TBKBP1: variants seen among roughly 807,000 people sequenced by gnomAD.
TBKBP1 encodes the protein TBK1 binding protein 1, also known as TANK-binding kinase 1-binding protein 1.
Under a neutral mutation model 69.9 loss-of-function variants are expected in TBKBP1, and 47 were observed. The observed-to-expected ratio is 0.67, with a 90% confidence interval of 0.53 to 0.86. TBKBP1 has a LOEUF of 0.86. TBKBP1 is among the 40% of genes least tolerant of loss of function. The pLI is 0.00. For missense variants in TBKBP1, 831 were observed against 858.6 expected, an observed-to-expected ratio of 0.97 and a Z score of 0.40; for synonymous variants, 418 against 390.3, an observed-to-expected ratio of 1.07 and a Z score of -0.84.
chr17:47,696,890 T>C (rs2031269375), intron 3 of TBKBP1, 57 bp downstream of exon 3: 16 of 1,596,916 alleles, frequency 1.0e-5, no homozygotes, highest in African/African-American at 4.0e-5. Context: ...CTGTTTCTGA[T>C]ACCCTTCCCT....
Position 47,709,363 on chromosome 17 carries a change from T to G in TBKBP1, c.1630T>G (p.Ser544Ala). 6.5e-7 allele frequency: 1 copy of G among 1,527,802 alleles called. No homozygotes were observed. The highest frequency in any genetic ancestry group is 8.7e-7 in the Non-Finnish European group (1 of 1,144,162). The allele number at this position is 1,527,802 out of a possible 1,614,324, so 94.6% of individuals were successfully genotyped here. ...SPEVGTIRCA[S>A]FCAGFPIPES... ...GGAGGTGGGCACCATCCGCTGCGCCTCCTTCTGCGCGGGCTTCCCCATCCC... is the reference window on the plus strand; with the variant it reads ...GGAGGTGGGCACCATCCGCTGCGCCGCCTTCTGCGCGGGCTTCCCCATCCC... Residue 544 changes from serine (S) to alanine (A), a missense_variant, in exon 9 of 10, where the codon TCC (serine) becomes GCC (alanine). By Grantham distance (99) the Ser-to-Ala change is moderately conservative. Coordinates refer to ENST00000578982, the MANE Select transcript of TBKBP1 (RefSeq NM_001394755.1).
intron 7 of TBKBP1, among the ~76,000 whole-genome samples, chr17:47,702,859 G>A (rs2031557495): frequency 6.6e-6 from 1 of 152,026 alleles, no homozygotes; most frequent in South Asian, 2.1e-4. Flanking sequence ...ACCCTTGGGG[G>A]GTTCCCAGCC....
At chr17:47,705,955 T>G (rs1253117637) in intron 7 of TBKBP1, among the ~76,000 whole-genome samples, 1 of 152,156 alleles carries the variant, frequency 6.6e-6, no homozygotes, top group Non-Finnish European at 1.5e-5. Context: ...GGCCAGGGCT[T>G]CTTCCTTCCA....
At position 47,697,096 on chromosome 17, in the gene TBKBP1, AG is replaced by A; in HGVS notation, c.357del (p.Asn120ThrfsTer11). The A allele has an allele frequency of 6.2e-7, 1 of 1,611,256 alleles. No homozygotes were observed. Among genetic ancestry groups the A allele is most frequent in the Non-Finnish European group, 8.5e-7 (1 of 1,178,710 alleles). On this transcript the variant is annotated frameshift_variant, in exon 4 of 10. Transcript: ENST00000578982. LOFTEE classifies it high-confidence loss of function. ...RLNQFQHELQKNKEQEEQLGE... is the reference protein window; with the variant it reads ...RLNQFQHELQXNKEQEEQLGE... ...CCTCTGGGCCTCATCCAGTTACAGA[AG>A]AACAAGGAGCAGGAAGAACAGCTTG...
In TBKBP1 at chr17:47,708,063, A is replaced by G. The variant is rs777539942; in HGVS notation, c.873-331A>G. On this transcript the variant is annotated intron_variant, in intron 7 of 9. Transcript: ENST00000578982. The surrounding 1 kb of genome is among the most constrained non-coding windows in gnomAD (Gnocchi z 4.4). ...TAGAAAAACATTCACACATACCTGT[A>G]TGAGCTGTGTTCAGACCACGGACAG... is the stretch of plus-strand genomic sequence containing the variant. 7.2e-5 allele frequency among the ~76,000 whole-genome samples: 11 copies of G among 152,240 alleles called. No homozygotes were observed. Among genetic ancestry groups the G allele is most frequent in the Non-Finnish European group, 1.3e-4 (9 of 68,046 alleles).
chr17:47,697,321 G>A, intron 4 of TBKBP1, 128 bp downstream of exon 4: 1 of 791,802 alleles, frequency 1.3e-6, no homozygotes, highest in East Asian at 2.7e-5. Flanking sequence ...CACATCACTT[G>A]TTTGTGCCCT....
At chr17:47,697,756 C>A (rs2031307727) in intron 4 of TBKBP1, among the ~76,000 whole-genome samples, 2 of 151,796 alleles carry the variant, frequency 1.3e-5, no homozygotes, top group African/African-American at 4.8e-5. Flanking sequence ...CCAGCCTGGG[C>A]AACATAGTGA....
In TBKBP1 at chr17:47,710,768, G is replaced by A; in HGVS notation, c.*142G>A. 3 of 1,246,686 alleles carry A rather than the reference G, an allele frequency of 2.4e-6. No individual in the cohort carries two copies. Among genetic ancestry groups the A allele is most frequent in the Non-Finnish European group, 3.3e-6 (3 of 899,924 alleles). 77.2% of individuals were successfully genotyped at this position (1,246,686 alleles called of 1,614,324 possible). A position where few individuals can be genotyped will look rare whatever the true frequency, so the allele number is the denominator to read the frequency against. ...TCCACTTGCTACCGAGTCAACGTGT[G>A]TGCCATCTTCCCTGGTCCAGGCACC... is the stretch of plus-strand genomic sequence containing the variant. On this transcript the variant is annotated 3_prime_UTR_variant, in exon 10 of 10. Coordinates refer to ENST00000578982, the MANE Select transcript of TBKBP1 (RefSeq NM_001394755.1).
At position 47,694,210 on chromosome 17, in the gene TBKBP1, G is replaced by A. The variant is rs565761112; in HGVS notation, c.-35+16G>A. 1.3e-5 allele frequency: 2 copies of A among 151,270 alleles called. No individual in the cohort carries two copies. Among genetic ancestry groups the A allele is most frequent in the Non-Finnish European group, 2.9e-5 (2 of 67,834 alleles). The allele number at this position is 151,270 out of a possible 1,614,324, so 9.4% of individuals were successfully genotyped here. ...GGCAGCAGCTGTGAGTCCCCGGCTG[G>A]GGCTAGGGCTGGGGGAGGGGAGCGG... On this transcript the variant is annotated intron_variant, in intron 1 of 9. Coordinates refer to ENST00000578982, the MANE Select transcript of TBKBP1 (RefSeq NM_001394755.1).
rs1307931154 is a variant in TBKBP1, at chr17:47,709,073, C to T, written c.1340C>T (p.Pro447Leu). The change falls in exon 9 of 10, where the codon CCG (proline) becomes CTG (leucine). Residue 447 changes from proline to leucine, a missense_variant. Pro to Leu is a moderately conservative substitution (Grantham distance 98, BLOSUM62 -3). Transcript: ENST00000578982. ...CTGGCCGAGCGCGCCTACGCCAAGC[C>T]GCCCAGCCACCACGTGAAGGCCGGC... ...RTLAERAYAK[P>L]PSHHVKAGFQ... 3.0e-6 allele frequency: 4 copies of T among 1,348,268 alleles called. No homozygotes were observed. The highest frequency in any genetic ancestry group is 2.7e-4 in the Middle Eastern group (1 of 3,662). 83.5% of individuals were successfully genotyped at this position (1,348,268 alleles called of 1,614,324 possible).
chr17:47,699,236 A>T (rs1200548737), intron 5 of TBKBP1, 84 bp from the exon 6 acceptor site: 5 of 1,379,712 alleles, frequency 3.6e-6, no homozygotes, highest in Non-Finnish European at 4.7e-6. Context: ...TGGAGTCCCC[A>T]TGCTGCATCC....
At position 47,696,120 on chromosome 17, in the gene TBKBP1, C is replaced by G. The variant is rs778970477; in HGVS notation, c.8C>G (p.Ser3Cys). ...CGCGGCCCGGCCCTCACCATGGAGT[C>G]CATGTTCGAGGACGACATCAGCATC... ME[S>C]MFEDDISILT... is the part of the protein sequence containing the mutation. Residue 3 changes from serine to cysteine, a missense_variant, in exon 2 of 10, where the codon TCC becomes TGC. Physicochemically the swap from Ser to Cys is moderately radical, Grantham distance 112. Transcript: ENST00000578982. 32 of 1,610,742 alleles carry G rather than the reference C, an allele frequency of 2.0e-5. No homozygotes were observed. Among genetic ancestry groups the G allele is most frequent in the Non-Finnish European group, 2.6e-5 (31 of 1,178,976 alleles).
Position 47,709,179 on chromosome 17 carries a change from A to G in TBKBP1, c.1446A>G (p.Glu482=). ...CCTCCCCGCCCTGGCTGCAGGCCGA[A>G]GCGGCCACTCTCCCCAAGCCCCGGG... ...AGASPPWLQA[E]AATLPKPRAY... Residue 482 remains glutamate (E), a synonymous_variant, in exon 9 of 10, where the codon GAA becomes GAG. Transcript: ENST00000578982. 1.4e-6 allele frequency: 2 copies of G among 1,475,194 alleles called. No individual in the cohort carries two copies. The allele number at this position is 1,475,194 out of a possible 1,614,324, so 91.4% of individuals were successfully genotyped here.
chr17:47,698,827 A>G (rs905356532), intron 5 of TBKBP1, 52 bp downstream of exon 5: 17 of 1,424,544 alleles, frequency 1.2e-5, no homozygotes, highest in Middle Eastern at 1.8e-4. Context: ...CCCCATTTCA[A>G]CATTCCTAGA....
chr17:47,707,822 C>G (rs1597967833), intron 7 of TBKBP1, among the ~76,000 whole-genome samples: 1 of 152,204 alleles, frequency 6.6e-6, no homozygotes, highest in Non-Finnish European at 1.5e-5. Context: ...AGCCAGGAAA[C>G]CATCTTCACT....
At position 47,708,908 on chromosome 17, in the gene TBKBP1, C is replaced by G; in HGVS notation, c.1175C>G (p.Pro392Arg). ...CGCTCTCCGGCCTCACCCTCCTGCC[C>G]GTCGCCCGTCCCGCAGCGCCGCTCG... The part of the protein sequence containing the change: ...QRRSPASPSC[P>R]SPVPQRRSPV... Residue 392 changes from proline to arginine, a missense_variant, in exon 9 of 10, where the codon CCG (proline) becomes CGG (arginine). Coordinates refer to ENST00000578982, the MANE Select transcript of TBKBP1 (RefSeq NM_001394755.1). The surrounding 1 kb of genome is among the most constrained non-coding windows in gnomAD (Gnocchi z 4.4). The G allele has an allele frequency of 1.5e-6, 2 of 1,375,454 alleles. No homozygotes were observed. Among genetic ancestry groups the G allele is most frequent in the Non-Finnish European group, 1.9e-6 (2 of 1,064,258 alleles). The allele number at this position is 1,375,454 out of a possible 1,614,324, so 85.2% of individuals were successfully genotyped here.
chr17:47,702,294 G>A (rs1049667335), intron 7 of TBKBP1, among the ~76,000 whole-genome samples: 2 of 152,076 alleles, frequency 1.3e-5, no homozygotes, highest in Non-Finnish European at 2.9e-5. Flanking sequence ...TGAGTGTCGA[G>A]GCTGGATGAC....
chr17:47,706,834 C>CACACAT (rs2031714525), intron 7 of TBKBP1, among the ~76,000 whole-genome samples: 1 of 144,500 alleles, frequency 6.9e-6, no homozygotes, highest in African/African-American at 2.7e-5. Flanking sequence ...CTTAGACACA[C>CACACAT]ACACACACAC....
chr17:47,696,192 C>G lies in TBKBP1; in HGVS notation c.80C>G (p.Pro27Arg). The G allele has an allele frequency of 6.2e-7, 1 of 1,613,674 alleles. No individual in the cohort carries two copies. Among genetic ancestry groups the G allele is most frequent in the African/African-American group, 1.3e-5 (1 of 75,028 alleles). The change falls in exon 2 of 10, where the codon CCC (proline) becomes CGC (arginine). Residue 27 changes from proline (P) to arginine (R), a missense_variant. Pro to Arg is a moderately radical substitution (Grantham distance 103, BLOSUM62 -2). Coordinates refer to ENST00000578982, the MANE Select transcript of TBKBP1 (RefSeq NM_001394755.1). The stretch of plus-strand genomic sequence containing the variant: ...CCTAGTGAGGTGTGGCTGGACAGTC[C>G]CGGAGACCCCTCGCTTGGGGGCGAC... ...LGPSEVWLDS[P>R]GDPSLGGDMC...
Sources: allele counts gnomAD v4.1 joint callset (sites outside exome capture counted in the v4.1 genomes callset), GRCh38; gene constraint gnomAD v4.1.1; non-coding constraint Gnocchi (gnomAD v3.1); transcripts MANE v1.5; gene names NCBI Gene and HGNC (gene_info 2026-07-23, HGNC 2026-07-21).